The following KHDRBS2 variants were observed in gnomAD, a reference collection of about 807,000 sequenced individuals.
KHDRBS2 encodes the protein KH domain-containing, RNA-binding, signal transduction-associated protein 2.
KHDRBS2 carries 26 observed loss-of-function variants against 44.3 expected under a neutral mutation model. The observed-to-expected ratio is 0.59, with a 90% CI of 0.43 to 0.81. KHDRBS2 has a LOEUF of 0.81. Ranked by LOEUF, KHDRBS2 falls within the 40% of genes least tolerant of loss-of-function variation. The probability of loss-of-function intolerance (pLI) is 0.00; values close to 1 mark genes in which losing one functional copy is unlikely to be tolerated. For synonymous variants in KHDRBS2, 194 were observed against 151.1 expected (o/e 1.28, Z -2.08); for missense variants, 476 against 433.1 (o/e 1.10, Z -0.88).
intron 1 of KHDRBS2, among the ~76,000 whole-genome samples, chr6:62,246,438 G>A (rs1462851646): frequency 6.6e-6 from 1 of 151,652 alleles, no homozygotes; most frequent in Non-Finnish European, 1.5e-5. Context: ...TTCACATGTG[G>A]TTTCTTAGAT....
rs1243773278 is a variant in KHDRBS2, at chr6:61,859,465, G to A, written c.810+35170C>T. The stretch of plus-strand genomic sequence containing the variant: ...TTTCCTGTAAGTGTCTTATCTCCAA[G>A]TCAAATTAAAAAAAAAAGTCGCCCA... On this transcript the variant is annotated intron_variant, in intron 6 of 8. Transcript: ENST00000281156. Among the ~76,000 whole-genome samples the A allele has an allele frequency of 3.3e-5, 5 of 151,560 alleles. No individual in the cohort carries two copies. In the East Asian group the frequency reaches 5.8e-4, roughly 18 times the overall value.
At chr6:62,157,312 C>T (rs954674868) in intron 2 of KHDRBS2, among the ~76,000 whole-genome samples, 13 of 151,256 alleles carry the variant, frequency 8.6e-5, no homozygotes, top group African/African-American at 3.2e-4. Context: ...GAGGACAGAA[C>T]GAGACTCCTT....
chr6:62,037,588 G>A (rs1038312260), intron 3 of KHDRBS2, among the ~76,000 whole-genome samples: 1 of 151,964 alleles, frequency 6.6e-6, no homozygotes, highest in Non-Finnish European at 1.5e-5. Context: ...TGAGGAACAG[G>A]AAGCAGCAAA....
intron 6 of KHDRBS2, among the ~76,000 whole-genome samples, chr6:61,741,095 G>T (rs1459235722): frequency 1.3e-5 from 2 of 151,830 alleles, no homozygotes; most frequent in African/African-American, 2.4e-5. Context: ...TTACCCAAAA[G>T]ATATTATTTC....
chr6:62,178,115 G>A lies in KHDRBS2; in HGVS notation c.92-803C>T, dbSNP rs1029053242. ...AATATATGGGCACACATACAGTTAT[G>A]GCTGGGGGCAAATAATAAACACAAT... is the stretch of plus-strand genomic sequence containing the variant. On this transcript the variant is annotated intron_variant, in intron 1 of 8. Coordinates refer to ENST00000281156, the MANE Select transcript of KHDRBS2 (RefSeq NM_152688.4). Among the ~76,000 whole-genome samples the A allele has an allele frequency of 2.6e-5, 4 of 151,428 alleles. No individual in the cohort carries two copies. In the Admixed American group the frequency reaches 2.6e-4, roughly 10 times the overall value.
the KHDRBS2 span, among the ~76,000 whole-genome samples, chr6:61,611,814 A>C: frequency 2.6e-5 from 4 of 152,116 alleles, no homozygotes; most frequent in African/African-American, 9.7e-5. Flanking sequence ...GTAGTTTTTC[A>C]ACTCACCTTC....
the KHDRBS2 span, among the ~76,000 whole-genome samples, chr6:61,577,147 T>G: frequency 0.61 from 92,723 of 150,942 alleles, 28,684 homozygotes; most frequent in Middle Eastern, 0.65. Context: ...TTTTTGTTTT[T>G]TTTTTTTAAC....
At chr6:61,684,457 T>A (rs1766613273) in intron 8 of KHDRBS2, among the ~76,000 whole-genome samples, 1 of 151,782 alleles carries the variant, frequency 6.6e-6, no homozygotes, top group Admixed American at 6.6e-5. Context: ...AACTTAGAAT[T>A]TATCTGTCCT....
intron 4 of KHDRBS2, among the ~76,000 whole-genome samples, chr6:61,953,649 TTCA>T (rs1765248613): frequency 1.3e-5 from 2 of 152,144 alleles, no homozygotes; most frequent in African/African-American, 4.8e-5. Flanking sequence ...AAGATCTCTT[TTCA>T]TATTCATGAA....
At chr6:61,709,109 C>G (rs930090347) in intron 7 of KHDRBS2, among the ~76,000 whole-genome samples, 2 of 151,530 alleles carry the variant, frequency 1.3e-5, no homozygotes, top group African/African-American at 4.8e-5. Context: ...ATCAGGTGCT[C>G]AATAACTATT....
intron 2 of KHDRBS2, among the ~76,000 whole-genome samples, chr6:62,142,764 G>C (rs553651970): frequency 6.6e-6 from 1 of 151,746 alleles, no homozygotes; most frequent in East Asian, 1.9e-4. Context: ...TCCTAAAAAT[G>C]ATCTTCATAT....
chr6:61,909,020 C>G (rs373722252), intron 4 of KHDRBS2, among the ~76,000 whole-genome samples: 7 of 151,560 alleles, frequency 4.6e-5, no homozygotes, highest in African/African-American at 9.7e-5. Flanking sequence ...TTAGAGTGAA[C>G]CTTTAAAGAA....
At chr6:61,617,428 T>C in the KHDRBS2 span, among the ~76,000 whole-genome samples, 1 of 96,560 alleles carries the variant, frequency 1.0e-5, no homozygotes, top group Non-Finnish European at 2.4e-5. Flanking sequence ...ATCTTCTTTC[T>C]AAAGTACTAT....
intron 2 of KHDRBS2, among the ~76,000 whole-genome samples, chr6:62,078,715 C>A (rs1364245648): frequency 1.3e-5 from 2 of 151,856 alleles, no homozygotes; most frequent in East Asian, 1.9e-4. Flanking sequence ...TAGCTAAGAT[C>A]TAATATTCTG....
At chr6:61,552,149 T>A in the KHDRBS2 span, among the ~76,000 whole-genome samples, 21 of 152,188 alleles carry the variant, frequency 1.4e-4, no homozygotes, top group Admixed American at 3.3e-4. Context: ...TACATGAGCA[T>A]GGCATATTTT....
At chr6:62,255,622 ACACACACACACACAC>A (rs1837260269) in intron 1 of KHDRBS2, among the ~76,000 whole-genome samples, 1 of 101,402 alleles carries the variant, frequency 9.9e-6, no homozygotes, top group Non-Finnish European at 2.7e-5. Flanking sequence ...ACACACACAC[ACACACACACACACAC>A]ACACACACAC....
At chr6:61,707,135 C>A (rs1769721463) in intron 7 of KHDRBS2, among the ~76,000 whole-genome samples, 2 of 151,544 alleles carry the variant, frequency 1.3e-5, no homozygotes, top group South Asian at 4.2e-4. Flanking sequence ...AGAGGAAGAG[C>A]ATTCTAGGAA....
intron 6 of KHDRBS2, among the ~76,000 whole-genome samples, chr6:61,863,248 C>G (rs1313616119): frequency 7.1e-6 from 1 of 140,316 alleles, no homozygotes; most frequent in African/African-American, 2.6e-5. Context: ...ATTTGTTGAG[C>G]TTTTGAAGGG....
At chr6:62,250,647 T>A (rs1471091419) in intron 1 of KHDRBS2, among the ~76,000 whole-genome samples, 1 of 151,974 alleles carries the variant, frequency 6.6e-6, no homozygotes, top group Non-Finnish European at 1.5e-5. Flanking sequence ...AAACCAACAT[T>A]TTTTTAATCT....
Sources: allele counts gnomAD v4.1 joint callset (sites outside exome capture counted in the v4.1 genomes callset), GRCh38; gene constraint gnomAD v4.1.1; transcripts MANE v1.5; gene names NCBI Gene and HGNC (gene_info 2026-07-23, HGNC 2026-07-21).